PCLO: variants seen among roughly 807,000 people sequenced by gnomAD.
PCLO encodes piccolo presynaptic cytomatrix protein, also known as protein piccolo.
Under a neutral mutation model 427.5 loss-of-function variants are expected in PCLO, and 82 were observed. The observed-to-expected ratio is 0.19, with a 90% CI of 0.16 to 0.23. The LOEUF is 0.23. Ranked by LOEUF, PCLO falls within the 10% of genes least tolerant of loss-of-function variation. PCLO has a pLI of 1.00. For missense variants in PCLO, 6,239 were observed against 6,115.9 expected (o/e 1.02, Z -0.67); for synonymous variants, 2,357 against 2,155.4 (o/e 1.09, Z -2.59).
intron 3 of PCLO, among the ~76,000 whole-genome samples, chr7:83,117,590 G>A (rs1206936647): frequency 2.6e-5 from 4 of 152,150 alleles, no homozygotes; most frequent in Non-Finnish European, 5.9e-5. Context: ...TGCTATCAAA[G>A]AGGTGGATTC....
chr7:83,059,381 A>ATATATATATATATATATAT lies in PCLO; in HGVS notation c.3300+74868_3300+74869insATATATATATATATATATA, dbSNP rs757350399. 4.2e-3 allele frequency among the ~76,000 whole-genome samples: 406 copies of ATATATATATATATATATAT among 95,720 alleles called. 7 individuals are homozygous for ATATATATATATATATATAT. The highest frequency in any genetic ancestry group is 0.02 in the East Asian group (44 of 2,240). 62.8% of individuals were successfully genotyped at this position (95,720 alleles called of 152,430 possible). A position where few individuals can be genotyped will look rare whatever the true frequency, so the allele number is the denominator to read the frequency against. The stretch of plus-strand genomic sequence containing the variant: ...AAATATATATATATATATATATATA[A>ATATATATATATATATATAT]AAATGAAAAATAAGGTGAGATCAAC... On this transcript the variant is annotated intron_variant, in intron 3 of 24. Coordinates refer to ENST00000333891, the MANE Select transcript of PCLO (RefSeq NM_033026.6).
At chr7:82,859,269 A>T (rs140395184) in intron 10 of PCLO, among the ~76,000 whole-genome samples, 1 of 152,310 alleles carries the variant, frequency 6.6e-6, no homozygotes, top group African/African-American at 2.4e-5. Flanking sequence ...GGCAATAGAC[A>T]GGAAGTGGTT....
At chr7:83,074,497 T>TG (rs142112603) in intron 3 of PCLO, among the ~76,000 whole-genome samples, 13,960 of 152,122 alleles carry the variant, frequency 0.092, 828 homozygotes, top group East Asian at 0.17. Flanking sequence ...TGGACACCTA[T>TG]GAGACGTAGA....
intron 22 of PCLO, among the ~76,000 whole-genome samples, chr7:82,795,131 A>G (rs1331679976): frequency 6.6e-6 from 1 of 152,112 alleles, no homozygotes; most frequent in African/African-American, 2.4e-5. Context: ...ATTATTTGGT[A>G]TATGGTAATG....
intron 3 of PCLO, among the ~76,000 whole-genome samples, chr7:82,982,742 G>C (rs1481122242): frequency 6.6e-6 from 1 of 151,788 alleles, no homozygotes; most frequent in Admixed American, 6.6e-5. Flanking sequence ...TCTAATATAT[G>C]CGTAACATTT....
intron 19 of PCLO, among the ~76,000 whole-genome samples, chr7:82,823,093 T>A (rs1044516923): frequency 6.6e-6 from 1 of 152,160 alleles, no homozygotes; most frequent in Non-Finnish European, 1.5e-5. Flanking sequence ...GATTGTAGAA[T>A]CATGCCTCAA....
chr7:83,059,972 T>A (rs1789503896), intron 3 of PCLO, among the ~76,000 whole-genome samples: 1 of 152,156 alleles, frequency 6.6e-6, no homozygotes, highest in African/African-American at 2.4e-5. Context: ...ACAAAAACAG[T>A]CTAATGATTT....
At chr7:82,890,508 G>A (rs1793732382) in intron 9 of PCLO, among the ~76,000 whole-genome samples, 1 of 151,660 alleles carries the variant, frequency 6.6e-6, no homozygotes, top group Admixed American at 6.6e-5. Flanking sequence ...TTTATAGTAG[G>A]AGATAGCCCT....
intron 3 of PCLO, among the ~76,000 whole-genome samples, chr7:83,096,109 CATT>C (rs1584017382): frequency 1.3e-5 from 2 of 152,146 alleles, no homozygotes; most frequent in East Asian, 3.9e-4. Flanking sequence ...AGATTTTATA[CATT>C]ATTAATAGTA....
chr7:83,155,645 T>G lies in PCLO; in HGVS notation c.996A>C (p.Pro332=). Reference sequence around the variant, plus strand: ...GCTTTGTTAGCCCTGAGGGCTGAGCTGGGGGCTTTGCAGGCCCAGGCTGTG... The same window carrying G: ...GCTTTGTTAGCCCTGAGGGCTGAGCGGGGGGCTTTGCAGGCCCAGGCTGTG... ...EKSQPGPAKP[P]AQPSGLTKPL... Residue 332 remains proline (P), a synonymous_variant, in exon 2 of 25, where the codon CCA becomes CCC. Coordinates refer to ENST00000333891, the MANE Select transcript of PCLO (RefSeq NM_033026.6). The G allele has an allele frequency of 1.2e-6, 2 of 1,613,072 alleles. No homozygotes were observed. Among genetic ancestry groups the G allele is most frequent in the Non-Finnish European group, 1.7e-6 (2 of 1,179,670 alleles).
At chr7:82,856,943 G>C (rs1398696958) in intron 10 of PCLO, among the ~76,000 whole-genome samples, 1 of 151,980 alleles carries the variant, frequency 6.6e-6, no homozygotes, top group African/African-American at 2.4e-5. Context: ...CCAAAAGTGA[G>C]TTCCAGATAC....
At chr7:82,797,682 CTTAA>C (rs1257581163) in intron 22 of PCLO, among the ~76,000 whole-genome samples, 2 of 152,046 alleles carry the variant, frequency 1.3e-5, no homozygotes, top group Non-Finnish European at 2.9e-5. Context: ...TACATATGCA[CTTAA>C]TTAAATTGTG....
At chr7:82,884,812 CT>C (rs879610831) in intron 9 of PCLO, among the ~76,000 whole-genome samples, 40 of 146,458 alleles carry the variant, frequency 2.7e-4, no homozygotes, top group Admixed American at 1.6e-3. Flanking sequence ...AAAGAAAATT[CT>C]TTTTTTTTTT....
chr7:82,919,958 C>A (rs907073031), intron 6 of PCLO, among the ~76,000 whole-genome samples: 11 of 151,814 alleles, frequency 7.2e-5, no homozygotes, highest in African/African-American at 2.7e-4. Context: ...TAAATTTAAG[C>A]ATGTGTGTGA....
At chr7:83,139,959 C>T (rs1432008505) in intron 2 of PCLO, among the ~76,000 whole-genome samples, 2 of 151,722 alleles carry the variant, frequency 1.3e-5, no homozygotes, top group Non-Finnish European at 2.9e-5. Flanking sequence ...TTGCAAGCCC[C>T]GATGCAACTG....
chr7:82,758,783 T>C, intron 24 of PCLO, 68 bp from the exon 25 acceptor site: 1 of 915,648 alleles, frequency 1.1e-6, no homozygotes, highest in Non-Finnish European at 1.7e-6. Flanking sequence ...GTTTTCAACC[T>C]TTTTTAAGGA....
intron 3 of PCLO, among the ~76,000 whole-genome samples, chr7:83,016,750 T>C (rs1314536892): frequency 1.3e-5 from 2 of 152,132 alleles, no homozygotes; most frequent in Non-Finnish European, 1.5e-5. Context: ...TTCTGAGTTA[T>C]ATGGTATAGA....
chr7:82,886,886 T>C lies in PCLO; in HGVS notation c.13529-7424A>G, dbSNP rs1793639946. Among the ~76,000 whole-genome samples the C allele has an allele frequency of 2.6e-5, 4 of 152,222 alleles. No homozygotes were observed. The South Asian group carries it at 8.3e-4, about 31-fold the overall frequency. On this transcript the variant is annotated intron_variant, in intron 9 of 24. Coordinates refer to ENST00000333891, the MANE Select transcript of PCLO (RefSeq NM_033026.6). ...TTTTATTTATTTTCATCTAATTTTC[T>C]ATTATATAGGATGTATTGATCTTTT... is the stretch of plus-strand genomic sequence containing the variant.
At chr7:82,981,484 C>T (rs760501660) in intron 3 of PCLO, among the ~76,000 whole-genome samples, 16 of 151,884 alleles carry the variant, frequency 1.1e-4, no homozygotes, top group Non-Finnish European at 2.1e-4. Context: ...AAGTGACAGG[C>T]GATATCACCA....
Sources: gnomAD v4.1 joint callset for allele counts (sites outside exome capture counted in the v4.1 genomes callset) on GRCh38, gnomAD v4.1.1 for gene constraint, MANE v1.5 for transcripts, NCBI Gene and HGNC (gene_info 2026-07-23, HGNC 2026-07-21) for gene names.